The following SIRT1 variants were observed in gnomAD, a reference collection of about 807,000 sequenced individuals.
SIRT1 encodes the protein sirtuin 1, also known as NAD-dependent protein deacetylase sirtuin-1.
In SIRT1, 24 loss-of-function variants were observed where a neutral mutation model predicts 67.9. The ratio of observed to expected loss-of-function variants is 0.35; its 90% CI spans 0.26 to 0.50. The LOEUF is 0.50. Among genes scored for constraint, SIRT1 ranks in the 20% least tolerant of loss-of-function variants. The probability of loss-of-function intolerance (pLI) is 0.98; values close to 1 mark genes in which losing one functional copy is unlikely to be tolerated. For missense variants in SIRT1, 873 were observed against 937.2 expected (o/e 0.93, Z 0.89); for synonymous variants, 378 against 350.7 (o/e 1.08, Z -0.87).
At chr10:67,902,133 C>T (rs553258353) in intron 4 of SIRT1, among the ~76,000 whole-genome samples, 4 of 152,168 alleles carry the variant, frequency 2.6e-5, no homozygotes, top group African/African-American at 4.8e-5. Flanking sequence ...GGATTACAGG[C>T]GCCTGTCTCC....
chr10:67,916,564 G>T lies in SIRT1; in HGVS notation c.2215G>T (p.Asp739Tyr), dbSNP rs1252932360. The change falls in exon 9 of 9, where the codon GAC becomes TAC. Residue 739 changes from aspartate (D) to tyrosine (Y), a missense_variant. Coordinates refer to ENST00000212015, the MANE Select transcript of SIRT1 (RefSeq NM_012238.5). ...EAISVKQEVTDMNYPSNKS is the reference protein window; with the variant it reads ...EAISVKQEVTYMNYPSNKS Reference sequence around the variant, plus strand: ...TATATCTGTGAAACAGGAAGTAACAGACATGAACTATCCATCAAACAAATC... The same window carrying T: ...TATATCTGTGAAACAGGAAGTAACATACATGAACTATCCATCAAACAAATC... 2 of 1,612,588 alleles carry T rather than the reference G, an allele frequency of 1.2e-6. No individual in the cohort carries two copies.
chr10:67,891,816 C>T (rs895580827), intron 4 of SIRT1, among the ~76,000 whole-genome samples: 4 of 152,096 alleles, frequency 2.6e-5, no homozygotes, highest in Non-Finnish European at 5.9e-5. Context: ...CGTTATTCTG[C>T]CTGGGCTTTT....
intron 4 of SIRT1, among the ~76,000 whole-genome samples, chr10:67,898,311 G>A (rs921925892): frequency 2.0e-5 from 3 of 151,186 alleles, no homozygotes; most frequent in African/African-American, 4.9e-5. Context: ...TACTATGTTC[G>A]AAGAGTGTAG....
In SIRT1 at chr10:67,887,398, G is replaced by A; in HGVS notation, c.431-19G>A. The A allele has an allele frequency of 6.5e-7, 1 of 1,540,402 alleles. No homozygotes were observed. Among genetic ancestry groups the A allele is most frequent in the Non-Finnish European group, 9.0e-7 (1 of 1,113,912 alleles). On this transcript the variant is annotated intron_variant, in intron 1 of 8. Transcript: ENST00000212015. ...GCATGTTGTTTTGATAGCCTTGACTGACTTGGTTTCTTTTGCAGATAACCT... is the reference window on the plus strand; with the variant it reads ...GCATGTTGTTTTGATAGCCTTGACTAACTTGGTTTCTTTTGCAGATAACCT...
At chr10:67,913,744 G>A (rs983161648) in intron 8 of SIRT1, among the ~76,000 whole-genome samples, 2 of 152,130 alleles carry the variant, frequency 1.3e-5, no homozygotes, top group African/African-American at 4.8e-5. Context: ...GAAAACCACT[G>A]TAACTTAGCT....
In SIRT1 at chr10:67,916,311, C is replaced by T. The variant is rs115122520; in HGVS notation, c.1962C>T (p.Gly654=). ...FLPPNRYIFH[G]AEVYSDSEDD... is the part of the protein sequence containing the mutation. ...CACCAAATCGTTACATTTTCCATGG[C>T]GCTGAGGTATATTCAGACTCTGAAG... Residue 654 remains glycine, a synonymous_variant, in exon 9 of 9, where the codon GGC becomes GGT. Transcript: ENST00000212015. The T allele has an allele frequency of 3.6e-5, 58 of 1,609,506 alleles. No homozygotes were observed. The highest frequency in any genetic ancestry group is 3.2e-4 in the African/African-American group (24 of 74,854).
chr10:67,910,040 T>A (rs1394375003), intron 7 of SIRT1, among the ~76,000 whole-genome samples: 1 of 152,070 alleles, frequency 6.6e-6, no homozygotes, highest in Non-Finnish European at 1.5e-5. Flanking sequence ...GCATTGTTCA[T>A]TGAGACTGGT....
At chr10:67,914,301 A>AC (rs1295750401) in intron 8 of SIRT1, among the ~76,000 whole-genome samples, 1 of 151,296 alleles carries the variant, frequency 6.6e-6, no homozygotes, top group African/African-American at 2.4e-5. Flanking sequence ...CAAACTCCTG[A>AC]CCCCATGATC....
At chr10:67,915,019 C>T (rs1377200358) in intron 8 of SIRT1, among the ~76,000 whole-genome samples, 1 of 151,948 alleles carries the variant, frequency 6.6e-6, no homozygotes, top group Non-Finnish European at 1.5e-5. Context: ...AGCCACTGTG[C>T]CCTGCCTGTG....
At chr10:67,893,229 A>G (rs747069899) in intron 4 of SIRT1, among the ~76,000 whole-genome samples, 4 of 152,178 alleles carry the variant, frequency 2.6e-5, no homozygotes, top group African/African-American at 4.8e-5. Context: ...TGCTGCATCT[A>G]TCAACCTGTC....
chr10:67,885,673 G>C (rs1481170986), intron 1 of SIRT1, among the ~76,000 whole-genome samples: 3 of 152,008 alleles, frequency 2.0e-5, no homozygotes, highest in Admixed American at 2.0e-4. Context: ...AAAGAGGAAA[G>C]CTGTTTCTAT....
chr10:67,897,186 A>G (rs941985425), intron 4 of SIRT1, among the ~76,000 whole-genome samples: 1 of 152,000 alleles, frequency 6.6e-6, no homozygotes, highest in African/African-American at 2.4e-5. Context: ...TCTGAGCACC[A>G]GTGTGTTACA....
intron 7 of SIRT1, among the ~76,000 whole-genome samples, chr10:67,909,675 A>C (rs901810692): frequency 6.6e-6 from 1 of 151,760 alleles, no homozygotes; most frequent in African/African-American, 2.4e-5. Context: ...CCCGGGTTCA[A>C]GCGATTCTTC....
chr10:67,906,202 A>G, intron 4 of SIRT1: 1 of 1,462,328 alleles, frequency 6.8e-7, no homozygotes, highest in Non-Finnish European at 9.0e-7. Flanking sequence ...GGAAAAACAC[A>G]CACACAAAAT....
intron 1 of SIRT1, among the ~76,000 whole-genome samples, chr10:67,886,786 C>T (rs1842489097): frequency 6.6e-6 from 1 of 151,688 alleles, no homozygotes; most frequent in Admixed American, 6.6e-5. Flanking sequence ...ATGTAAATGT[C>T]CATTTATTAC....
rs1337782112 is a variant in SIRT1 at position 67,916,725 on chromosome 10, T to C, written c.*132T>C. The C allele has an allele frequency of 6.6e-6, 4 of 603,808 alleles. No individual in the cohort carries two copies. The highest frequency in any genetic ancestry group is 1.1e-5 in the Non-Finnish European group (4 of 378,952). 37.4% of individuals were successfully genotyped at this position (603,808 alleles called of 1,614,324 possible). A position where few individuals can be genotyped will look rare whatever the true frequency, so the allele number is the denominator to read the frequency against. On this transcript the variant is annotated 3_prime_UTR_variant, in exon 9 of 9. Transcript: ENST00000212015. Reference sequence around the variant, plus strand: ...GTGTAATATTTATAGGTTGGTAAAATAGATTGTTTTTCATGGATAATTTTT... The same window carrying C: ...GTGTAATATTTATAGGTTGGTAAAACAGATTGTTTTTCATGGATAATTTTT...
intron 4 of SIRT1, among the ~76,000 whole-genome samples, chr10:67,902,373 C>G (rs1207278352): frequency 1.3e-5 from 2 of 152,110 alleles, no homozygotes; most frequent in Non-Finnish European, 2.9e-5. Flanking sequence ...CCACCCCCTG[C>G]TAATAATTAA....
chr10:67,912,692 G>C lies in SIRT1; in HGVS notation c.1576G>C (p.Glu526Gln). Residue 526 changes from glutamate (E) to glutamine (Q), a missense_variant, in exon 8 of 9, where the codon GAG (glutamate) becomes CAG (glutamine). By Grantham distance (29) the Glu-to-Gln change is conservative. Around this residue, in one of 3 missense-constraint regions of SIRT1, gnomAD observed 295 missense variants for 294.5 expected, o/e 1.00. Transcript: ENST00000212015. ...RTQKELAYLSELPPTPLHVSE... is the reference protein window; with the variant it reads ...RTQKELAYLSQLPPTPLHVSE... ...ACAAAAAGAATTGGCTTATTTGTCAGAGTTGCCACCCACACCTCTTCATGT... is the reference window on the plus strand; with the variant it reads ...ACAAAAAGAATTGGCTTATTTGTCACAGTTGCCACCCACACCTCTTCATGT... 1 of 1,614,122 alleles carries C rather than the reference G, an allele frequency of 6.2e-7. No homozygotes were observed. Among genetic ancestry groups the C allele is most frequent in the South Asian group, 1.1e-5 (1 of 91,078 alleles).
chr10:67,892,787 A>C (rs1254654787), intron 4 of SIRT1, among the ~76,000 whole-genome samples: 1 of 152,024 alleles, frequency 6.6e-6, no homozygotes, highest in Non-Finnish European at 1.5e-5. Flanking sequence ...TTTTTAGTAG[A>C]GACAGGGTTT....
Sources: allele counts gnomAD v4.1 joint callset (sites outside exome capture counted in the v4.1 genomes callset), GRCh38; gene constraint gnomAD v4.1.1; regional missense constraint gnomAD v4.1.1; transcripts MANE v1.5; gene names NCBI Gene and HGNC (gene_info 2026-07-23, HGNC 2026-07-21).